Variants in ADCY1 observed in about 807,000 individuals in gnomAD.
ADCY1 encodes adenylate cyclase 1, also known as adenylate cyclase type 1.
In ADCY1, 28 loss-of-function variants were observed where a neutral mutation model predicts 105.4. The observed-to-expected ratio is 0.27, with a 90% CI of 0.20 to 0.36. The LOEUF is 0.36. Among genes scored for constraint, ADCY1 ranks in the 10% least tolerant of loss-of-function variants. The probability of loss-of-function intolerance (pLI) is 1.00; values close to 1 mark genes in which losing one functional copy is unlikely to be tolerated. For missense variants in ADCY1, 977 were observed against 1,434.2 expected (o/e 0.68, Z 5.15); for synonymous variants, 655 against 623.8 (o/e 1.05, Z -0.75).
At chr7:45,641,341 C>A (rs954793424) in intron 4 of ADCY1, among the ~76,000 whole-genome samples, 7 of 152,188 alleles carry the variant, frequency 4.6e-5, no homozygotes, top group African/African-American at 1.7e-4. Context: ...CTCCCATACC[C>A]CAGTTCTGTG....
chr7:45,708,545 G>T lies in ADCY1; in HGVS notation c.2932+81G>T. 1 of 1,089,670 alleles carries T rather than the reference G, an allele frequency of 9.2e-7. No individual in the cohort carries two copies. Among genetic ancestry groups the T allele is most frequent in the Non-Finnish European group, 1.4e-6 (1 of 719,784 alleles). The allele number at this position is 1,089,670 out of a possible 1,614,324, so 67.5% of individuals were successfully genotyped here. A position where few individuals can be genotyped will look rare whatever the true frequency, so the allele number is the denominator to read the frequency against. ...CCTAGGGGTGGGATCAGCTGATGAG[G>T]TACCCTGGTCTTACAGGAAGGAGGG... On this transcript the variant is annotated intron_variant, in intron 18 of 19. Coordinates refer to ENST00000297323, the MANE Select transcript of ADCY1 (RefSeq NM_021116.4). This position sits in a 1 kb window ranked among gnomAD's most constrained non-coding sequence, Gnocchi z 4.7.
chr7:45,621,177 C>T (rs1429284992), intron 3 of ADCY1, among the ~76,000 whole-genome samples: 8 of 152,140 alleles, frequency 5.3e-5, no homozygotes, highest in Admixed American at 4.6e-4. Context: ...GTGATCCTCC[C>T]ACCTCAGCCT....
intron 14 of ADCY1, among the ~76,000 whole-genome samples, chr7:45,701,687 C>T (rs138892932): frequency 3.3e-5 from 5 of 152,192 alleles, no homozygotes; most frequent in East Asian, 3.9e-4. Flanking sequence ...GGTGTTTGTC[C>T]AGAATGCCAT....
chr7:45,658,025 C>T, intron 6 of ADCY1, 140 bp downstream of exon 6: 1 of 994,354 alleles, frequency 1.0e-6, no homozygotes, highest in Non-Finnish European at 1.5e-6. Context: ...CCTGTCCCAG[C>T]CGCACCTGCC....
At chr7:45,610,752 G>A (rs1793523495) in intron 3 of ADCY1, among the ~76,000 whole-genome samples, 1 of 150,382 alleles carries the variant, frequency 6.6e-6, no homozygotes, top group African/African-American at 2.4e-5. Flanking sequence ...AGGTGATGAT[G>A]GAGGTGTAGA....
chr7:45,625,847 G>T (rs984291948), intron 4 of ADCY1, among the ~76,000 whole-genome samples: 2 of 152,214 alleles, frequency 1.3e-5, no homozygotes, highest in Non-Finnish European at 2.9e-5. Context: ...TGTGTCAGGG[G>T]AGTCTGTCCT....
chr7:45,707,664 T>A, intron 17 of ADCY1, among the ~76,000 whole-genome samples: 1 of 152,186 alleles, frequency 6.6e-6, no homozygotes, highest in East Asian at 1.9e-4. Flanking sequence ...TTAAATTATG[T>A]ACTTTGGTTA....
intron 2 of ADCY1, among the ~76,000 whole-genome samples, chr7:45,602,984 A>G (rs552130669): frequency 4.1e-4 from 62 of 152,292 alleles, no homozygotes; most frequent in Non-Finnish European, 8.5e-4. Flanking sequence ...CCAGCAAGAC[A>G]TAGGCACCCA....
chr7:45,602,756 A>G (rs568229296), intron 2 of ADCY1, among the ~76,000 whole-genome samples: 1 of 152,364 alleles, frequency 6.6e-6, no homozygotes, highest in Admixed American at 6.5e-5. Flanking sequence ...AACTGAATAA[A>G]GTTCACTCAA....
Position 45,574,910 on chromosome 7 carries a change from G to C in ADCY1, c.367G>C (p.Gly123Arg). 6.2e-7 allele frequency: 1 copy of C among 1,611,872 alleles called. No individual in the cohort carries two copies. The highest frequency in any genetic ancestry group is 2.2e-5 in the East Asian group (1 of 44,838). Residue 123 changes from glycine to arginine, a missense_variant, in exon 1 of 20, where the codon GGC (glycine) becomes CGC (arginine). Around this residue, in one of 7 missense-constraint regions of ADCY1, gnomAD observed 209 missense variants for 222.5 expected, o/e 0.94. Coordinates refer to ENST00000297323, the MANE Select transcript of ADCY1 (RefSeq NM_021116.4). This position sits in a 1 kb window ranked among gnomAD's most constrained non-coding sequence, Gnocchi z 7.0. ...SLQVPQLQQV[G>R]QLALLFSLTF... ...GCAGGTGCCCCAGCTGCAGCAGGTC[G>C]GCCAGCTGGCGCTGCTCTTCAGCCT...
chr7:45,644,336 C>A (rs77619583), intron 4 of ADCY1, among the ~76,000 whole-genome samples: 10,535 of 152,228 alleles, frequency 0.069, 397 homozygotes, highest in Middle Eastern at 0.092. Flanking sequence ...CTGTGCCCTT[C>A]TGGGACGGGT....
At chr7:45,678,126 A>G (rs1584325644) in intron 9 of ADCY1, 40 bp from the exon 10 acceptor site, 2 of 1,613,132 alleles carry the variant, frequency 1.2e-6, no homozygotes, top group Non-Finnish European at 1.7e-6. Context: ...TGGCTGGAGG[A>G]AGCCCTCAGC....
Position 45,714,388 on chromosome 7 carries a change from G to C in ADCY1, c.*393G>C, listed in dbSNP as rs1459244915. On this transcript the variant is annotated 3_prime_UTR_variant, in exon 20 of 20. Transcript: ENST00000297323. The stretch of plus-strand genomic sequence containing the variant: ...AAGAGCCACTGAGGTGTGGCTGGCA[G>C]AGCAACTGAGGAGCTCTGCGAGAGT... 1 of 199,852 alleles carries C rather than the reference G, an allele frequency of 5.0e-6. No homozygotes were observed. Among genetic ancestry groups the C allele is most frequent in the Non-Finnish European group, 1.0e-5 (1 of 98,400 alleles). The allele number at this position is 199,852 out of a possible 1,614,324, so 12.4% of individuals were successfully genotyped here. A position where few individuals can be genotyped will look rare whatever the true frequency, so the allele number is the denominator to read the frequency against.
intron 4 of ADCY1, among the ~76,000 whole-genome samples, chr7:45,632,120 G>T (rs1169500639): frequency 1.3e-5 from 2 of 152,024 alleles, no homozygotes; most frequent in African/African-American, 4.8e-5. Context: ...AAAATCACTT[G>T]TCCATATGTA....
chr7:45,668,749 C>T (rs1242654606), intron 8 of ADCY1, among the ~76,000 whole-genome samples: 1 of 152,208 alleles, frequency 6.6e-6, no homozygotes, highest in Non-Finnish European at 1.5e-5. Flanking sequence ...GGTTGTGAAT[C>T]CGTCTAGTCC....
chr7:45,673,964 C>CATAT (rs58025464), intron 8 of ADCY1, among the ~76,000 whole-genome samples: 410 of 114,942 alleles, frequency 3.6e-3, no homozygotes, highest in African/African-American at 8.5e-3. Context: ...TTCAGATGAG[C>CATAT]ATATATATAT....
intron 1 of ADCY1, among the ~76,000 whole-genome samples, chr7:45,584,325 A>G (rs973739965): frequency 2.6e-5 from 4 of 152,002 alleles, no homozygotes; most frequent in African/African-American, 4.8e-5. Flanking sequence ...GGTGGCCCCC[A>G]CTTCCTGGGA....
intron 1 of ADCY1, among the ~76,000 whole-genome samples, chr7:45,583,937 G>GTT (rs869216986): frequency 0.01 from 595 of 56,822 alleles, 95 homozygotes; most frequent in African/African-American, 0.031. Flanking sequence ...ACTGTGCCCT[G>GTT]TTTTTTTTTT....
intron 8 of ADCY1, 25 bp downstream of exon 8, chr7:45,662,239 A>T: frequency 6.2e-7 from 1 of 1,605,416 alleles, no homozygotes; most frequent in Admixed American, 1.7e-5. Context: ...GGAGCCTGCC[A>T]TGCTGGAGCT....
Sources: allele counts gnomAD v4.1 joint callset (sites outside exome capture counted in the v4.1 genomes callset), GRCh38; gene constraint gnomAD v4.1.1; regional missense constraint gnomAD v4.1.1; non-coding constraint Gnocchi (gnomAD v3.1); transcripts MANE v1.5; gene names NCBI Gene and HGNC (gene_info 2026-07-23, HGNC 2026-07-21).